Variants in SAFB observed in about 807,000 individuals in gnomAD.
The protein encoded by SAFB is scaffold attachment factor B1.
Under a neutral mutation model 101.6 loss-of-function variants are expected in SAFB, and 15 were observed. The observed-to-expected ratio is 0.15, with a 90% CI of 0.10 to 0.23. The LOEUF (loss-of-function observed/expected upper bound fraction) is 0.23. Among genes scored for constraint, SAFB ranks in the 10% least tolerant of loss-of-function variants. The pLI is 1.00. For missense variants in SAFB, 930 were observed against 1,104.1 expected, an observed-to-expected ratio of 0.84 and a Z score of 2.23; for synonymous variants, 449 against 407.5, an observed-to-expected ratio of 1.10 and a Z score of -1.23.
rs376222020 is a variant in SAFB at position 5,641,675 on chromosome 19, G to A, written c.339+17G>A. 80 of 1,613,742 alleles carry A rather than the reference G, an allele frequency of 5.0e-5. 1 individual carries two copies. The highest frequency in any genetic ancestry group is 3.1e-4 in the East Asian group (14 of 44,872). ...GATGGACAGGTATGTGCAGCCTTGC[G>A]AGTGAGTAGCGTGGTGGATGGACCA... On this transcript the variant is annotated intron_variant, in intron 3 of 20. Coordinates refer to ENST00000588852, the MANE Select transcript of SAFB (RefSeq NM_001201338.2).
Position 5,661,776 on chromosome 19 carries a change from G to C in SAFB, c.2121G>C (p.Arg707=). The C allele has an allele frequency of 6.4e-7, 1 of 1,566,604 alleles. No homozygotes were observed. The highest frequency in any genetic ancestry group is 1.2e-5 in the South Asian group (1 of 86,256). Residue 707 remains arginine, a synonymous_variant, in exon 15 of 21, where the codon CGG becomes CGC. Coordinates refer to ENST00000588852, the MANE Select transcript of SAFB (RefSeq NM_001201338.2). ...QQELRYEQER[R]PAVRRPYDLD... ...AACTGCGCTATGAGCAGGAGCGGCG[G>C]CCCGCGGTGCGGCGGCCCTACGACC...
chr19:5,630,019 G>A (rs2053454472), intron 2 of SAFB, among the ~76,000 whole-genome samples: 1 of 152,208 alleles, frequency 6.6e-6, no homozygotes, highest in Non-Finnish European at 1.5e-5. Context: ...TCCAGCCTTG[G>A]CGACAGAGTG....
intron 1 of SAFB, 97 bp from the exon 2 acceptor site, chr19:5,626,308 G>T (rs1247048592): frequency 1.5e-5 from 11 of 745,018 alleles, no homozygotes; most frequent in Admixed American, 2.1e-5. Flanking sequence ...GCAGCTTTTT[G>T]ATCTTAAAAA....
chr19:5,661,790 G>A lies in SAFB; in HGVS notation c.2135G>A (p.Arg712Gln). The A allele has an allele frequency of 6.4e-7, 1 of 1,553,094 alleles. No individual in the cohort carries two copies. The highest frequency in any genetic ancestry group is 8.7e-7 in the Non-Finnish European group (1 of 1,150,888). ...CAGGAGCGGCGGCCCGCGGTGCGGC[G>A]GCCCTACGACCTGGACCGGTAAGCA... is the stretch of plus-strand genomic sequence containing the variant. ...YEQERRPAVR[R>Q]PYDLDRRDDA... Residue 712 changes from arginine (R) to glutamine (Q), a missense_variant, in exon 15 of 21, where the codon CGG (arginine) becomes CAG (glutamine). Arg to Gln is a conservative substitution (Grantham distance 43). Transcript: ENST00000588852.
At chr19:5,637,801 G>GCC (rs1568254800) in intron 2 of SAFB, among the ~76,000 whole-genome samples, 2 of 152,210 alleles carry the variant, frequency 1.3e-5, no homozygotes. Flanking sequence ...GGAATGCTAG[G>GCC]AAGCTGTGCT....
In SAFB at chr19:5,626,397, C is replaced by T. The variant is rs748982790; in HGVS notation, c.190-8C>T. 2 of 1,572,134 alleles carry T rather than the reference C, an allele frequency of 1.3e-6. No homozygotes were observed. Among genetic ancestry groups the T allele is most frequent in the Non-Finnish European group, 1.8e-6 (2 of 1,142,102 alleles). On this transcript the variant is annotated splice_polypyrimidine_tract_variant and splice_region_variant and intron_variant, in intron 1 of 20. Coordinates refer to ENST00000588852, the MANE Select transcript of SAFB (RefSeq NM_001201338.2). Reference sequence around the variant, plus strand: ...TTTGGATCAACTTTACTTTTCCCTTCTTTTTAGGCAATTGAAGATGAAGGT... The same window carrying T: ...TTTGGATCAACTTTACTTTTCCCTTTTTTTTAGGCAATTGAAGATGAAGGT...
chr19:5,652,709 T>C (rs890616105), intron 9 of SAFB, among the ~76,000 whole-genome samples: 8 of 152,354 alleles, frequency 5.3e-5, no homozygotes, highest in South Asian at 2.1e-4. Context: ...GACCTTTCCT[T>C]GCATCAGTCT....
intron 5 of SAFB, among the ~76,000 whole-genome samples, chr19:5,646,250 A>G (rs2053826024): frequency 1.3e-5 from 2 of 152,242 alleles, no homozygotes; most frequent in South Asian, 2.1e-4. Context: ...TTTGGAAAAG[A>G]TCTCCATTTG....
intron 13 of SAFB, among the ~76,000 whole-genome samples, 186 bp downstream of exon 13, chr19:5,654,642 G>T (rs1190356425): frequency 6.6e-6 from 1 of 152,182 alleles, no homozygotes; most frequent in Non-Finnish European, 1.5e-5. Context: ...AGAGTGCAGT[G>T]GTGCGATCTT....
intron 2 of SAFB, among the ~76,000 whole-genome samples, chr19:5,629,725 C>T (rs1457605387): frequency 2.0e-5 from 3 of 152,118 alleles, no homozygotes; most frequent in African/African-American, 7.2e-5. Flanking sequence ...TTCTAGACTC[C>T]AAGGATATGG....
intron 9 of SAFB, 49 bp downstream of exon 9, chr19:5,651,121 G>A (rs765896998): frequency 6.4e-6 from 8 of 1,251,242 alleles, no homozygotes; most frequent in South Asian, 5.2e-5. Flanking sequence ...CCAGCGTTGT[G>A]TGGCCTTTAC....
At position 5,667,565 on chromosome 19, in the gene SAFB, T is replaced by A; in HGVS notation, c.2557+115T>A. The A allele has an allele frequency of 1.2e-6, 1 of 809,100 alleles. No homozygotes were observed. The highest frequency in any genetic ancestry group is 2.0e-6 in the Non-Finnish European group (1 of 505,098). The allele number at this position is 809,100 out of a possible 1,614,324, so 50.1% of individuals were successfully genotyped here. ...AGGTGCTCTGCTCTCAGTGCTGGAA[T>A]GAGGAATGAAGAGCACTCCAGACAC... On this transcript the variant is annotated intron_variant, in intron 19 of 20. Transcript: ENST00000588852. The surrounding 1 kb of genome is among the most constrained non-coding windows in gnomAD (Gnocchi z 4.0).
chr19:5,654,386 G>A lies in SAFB; in HGVS notation c.1685G>A (p.Arg562Gln). 1 of 1,613,340 alleles carries A rather than the reference G, an allele frequency of 6.2e-7. No individual in the cohort carries two copies. The highest frequency in any genetic ancestry group is 1.1e-5 in the South Asian group (1 of 91,066). The change falls in exon 13 of 21, where the codon CGG (arginine) becomes CAG (glutamine). Residue 562 changes from arginine to glutamine, a missense_variant. Arg to Gln is a conservative substitution (Grantham distance 43). This residue lies in a region of SAFB where 159 missense variants were observed against 234.1 expected (regional missense o/e 0.68). Coordinates refer to ENST00000588852, the MANE Select transcript of SAFB (RefSeq NM_001201338.2). ...TCTGTAGGAAGTCGAGGGACCGAAC[G>A]GACTGTAGTAATGGATAAATCCAAA... is the stretch of plus-strand genomic sequence containing the variant. ...ATKSGSRGTERTVVMDKSKGV... is the reference protein window; with the variant it reads ...ATKSGSRGTEQTVVMDKSKGV...
chr19:5,628,116 TG>T (rs775280850), intron 2 of SAFB, among the ~76,000 whole-genome samples: 11 of 152,154 alleles, frequency 7.2e-5, no homozygotes, highest in Non-Finnish European at 1.5e-4. Flanking sequence ...CCAGGTGTGG[TG>T]GCGGGCTCCT....
At chr19:5,642,082 ATG>A in intron 4 of SAFB, 136 bp downstream of exon 4, 1 of 752,976 alleles carries the variant, frequency 1.3e-6, no homozygotes, top group Non-Finnish European at 2.3e-6. Context: ...GTTGGTTCAG[ATG>A]ATTCTGAACC....
Position 5,661,281 on chromosome 19 carries a change from G to A in SAFB, c.1863-237G>A, listed in dbSNP as rs201636431. Among the ~76,000 whole-genome samples, 5 of 152,246 alleles carry A rather than the reference G, an allele frequency of 3.3e-5. No homozygotes were observed. In the East Asian group the frequency reaches 9.7e-4, roughly 29 times the overall value. On this transcript the variant is annotated intron_variant, in intron 14 of 20. Transcript: ENST00000588852. Reference sequence around the variant, plus strand: ...ACTTGTCAAGCTCCAGGAAATGTTGGAGAAAGGAGGCCCAGTTCTGATCAC... The same window carrying A: ...ACTTGTCAAGCTCCAGGAAATGTTGAAGAAAGGAGGCCCAGTTCTGATCAC...
intron 4 of SAFB, among the ~76,000 whole-genome samples, chr19:5,642,561 G>A (rs547172688): frequency 1.4e-5 from 2 of 146,682 alleles, no homozygotes; most frequent in South Asian, 2.2e-4. Flanking sequence ...TTTTTTTCCT[G>A]TTAGAAACAT....
chr19:5,655,939 A>G lies in SAFB; in HGVS notation c.1756-1302A>G, dbSNP rs151075040. Among the ~76,000 whole-genome samples the G allele has an allele frequency of 2.0e-3, 303 of 152,320 alleles. 2 individuals carry two copies. Among genetic ancestry groups the G allele is most frequent in the African/African-American group, 6.6e-3 (273 of 41,582 alleles). ...AGGAAAAAGGAAAATTAAGAAATTT[A>G]TTTTTGAAGCAAAAGACATAAAAAA... On this transcript the variant is annotated intron_variant, in intron 13 of 20. Coordinates refer to ENST00000588852, the MANE Select transcript of SAFB (RefSeq NM_001201338.2).
At chr19:5,637,180 T>A (rs923595109) in intron 2 of SAFB, among the ~76,000 whole-genome samples, 12 of 150,246 alleles carry the variant, frequency 8.0e-5, no homozygotes, top group Admixed American at 4.0e-4. Flanking sequence ...CCGTCTCTAC[T>A]AAAAATACAA....
Sources: allele counts gnomAD v4.1 joint callset (sites outside exome capture counted in the v4.1 genomes callset), GRCh38; gene constraint gnomAD v4.1.1; regional missense constraint gnomAD v4.1.1; non-coding constraint Gnocchi (gnomAD v3.1); transcripts MANE v1.5; gene names NCBI Gene and HGNC (gene_info 2026-07-23, HGNC 2026-07-21).